ITFG1: variants seen among roughly 807,000 people sequenced by gnomAD.
The protein encoded by ITFG1 is T-cell immunomodulatory protein.
Under a neutral mutation model 81.8 loss-of-function variants are expected in ITFG1, and 34 were observed. That is an observed-to-expected ratio of 0.42 (90% CI 0.32 to 0.55). The LOEUF is 0.55. Ranked by LOEUF, ITFG1 falls within the 20% of genes least tolerant of loss-of-function variation. ITFG1 has a pLI of 0.17. For missense variants in ITFG1, 672 were observed against 755.4 expected (o/e 0.89, Z 1.29); for synonymous variants, 285 against 270.6 (o/e 1.05, Z -0.52).
intron 10 of ITFG1, among the ~76,000 whole-genome samples, chr16:47,272,193 GT>G (rs1966350067): frequency 6.6e-6 from 1 of 152,162 alleles, no homozygotes; most frequent in Non-Finnish European, 1.5e-5. Context: ...TATACAAGAT[GT>G]TCAGAACAGG....
chr16:47,265,807 C>T (rs181177760), intron 10 of ITFG1, among the ~76,000 whole-genome samples: 98 of 152,154 alleles, frequency 6.4e-4, no homozygotes, highest in African/African-American at 2.0e-3. Context: ...ACAAGCCATA[C>T]GTTGTGAGAT....
At chr16:47,339,717 G>A (rs1029878966) in intron 8 of ITFG1, among the ~76,000 whole-genome samples, 4 of 151,928 alleles carry the variant, frequency 2.6e-5, no homozygotes, top group African/African-American at 4.8e-5. Context: ...TAAAGCACAA[G>A]GGACCCAAGG....
intron 12 of ITFG1, among the ~76,000 whole-genome samples, chr16:47,257,672 T>C (rs536375754): frequency 3.3e-5 from 5 of 152,298 alleles, no homozygotes; most frequent in East Asian, 3.9e-4. Flanking sequence ...CAAATGTAAA[T>C]AGATGTAAAA....
intron 7 of ITFG1, among the ~76,000 whole-genome samples, chr16:47,370,586 C>T (rs183070621): frequency 1.7e-4 from 26 of 152,358 alleles, no homozygotes; most frequent in East Asian, 3.9e-4. Flanking sequence ...ACTATGCTCC[C>T]GTTGTCCAAA....
intron 10 of ITFG1, among the ~76,000 whole-genome samples, chr16:47,307,089 G>A (rs545225990): frequency 2.1e-3 from 38 of 17,704 alleles, no homozygotes; most frequent in African/African-American, 0.01. Flanking sequence ...GCAAAACTCC[G>A]TCTCAAAAAA....
At chr16:47,237,390 A>C (rs1965888786) in intron 13 of ITFG1, among the ~76,000 whole-genome samples, 1 of 152,204 alleles carries the variant, frequency 6.6e-6, no homozygotes, top group Non-Finnish European at 1.5e-5. Context: ...GATTACTACA[A>C]AGACCCCAAA....
intron 13 of ITFG1, among the ~76,000 whole-genome samples, chr16:47,224,450 C>T (rs1170644086): frequency 1.3e-5 from 2 of 152,132 alleles, no homozygotes; most frequent in African/African-American, 4.8e-5. Context: ...AAGGGCCTAA[C>T]CTCTCTTTTA....
intron 1 of ITFG1, among the ~76,000 whole-genome samples, 173 bp from the exon 2 acceptor site, chr16:47,459,348 T>C (rs1242175678): frequency 1.3e-5 from 2 of 152,216 alleles, no homozygotes; most frequent in South Asian, 2.1e-4. Flanking sequence ...CCTAACATTA[T>C]ATCACAAGTT....
At chr16:47,159,822 G>C (rs1229129524) in intron 16 of ITFG1, among the ~76,000 whole-genome samples, 1 of 152,040 alleles carries the variant, frequency 6.6e-6, no homozygotes, top group Admixed American at 6.6e-5. Context: ...AGTAGCTATT[G>C]ATTTATTCTG....
intron 5 of ITFG1, among the ~76,000 whole-genome samples, chr16:47,434,976 GA>G (rs1338510656): frequency 2.0e-5 from 3 of 152,172 alleles, no homozygotes; most frequent in African/African-American, 4.8e-5. Flanking sequence ...GCTGAATGAT[GA>G]GAACACATGG....
At chr16:47,157,602 C>T (rs1318117283) in intron 17 of ITFG1, 1 of 152,068 alleles carries the variant, frequency 6.6e-6, no homozygotes, top group African/African-American at 2.4e-5. Context: ...ACTTCTGGAC[C>T]AAGTATGTAT....
chr16:47,311,143 T>A, intron 10 of ITFG1, 97 bp downstream of exon 10: 1 of 771,930 alleles, frequency 1.3e-6, no homozygotes, highest in Non-Finnish European at 2.0e-6. Context: ...TAAGAGATTA[T>A]AACATATTTA....
At chr16:47,359,038 T>C (rs1470022204) in intron 8 of ITFG1, among the ~76,000 whole-genome samples, 1 of 151,930 alleles carries the variant, frequency 6.6e-6, no homozygotes, top group Non-Finnish European at 1.5e-5. Flanking sequence ...GAAGGTGGTA[T>C]GGGGGTGAGT....
intron 10 of ITFG1, among the ~76,000 whole-genome samples, chr16:47,279,266 T>A (rs1239735783): frequency 1.3e-5 from 2 of 152,234 alleles, no homozygotes; most frequent in Non-Finnish European, 2.9e-5. Context: ...CATCATTTTA[T>A]GTTTTACATT....
At chr16:47,385,564 A>G (rs922009965) in intron 6 of ITFG1, among the ~76,000 whole-genome samples, 6 of 152,256 alleles carry the variant, frequency 3.9e-5, no homozygotes, top group African/African-American at 7.2e-5. Flanking sequence ...CTTCCTTTCA[A>G]AAGCTACATG....
chr16:47,340,346 G>A lies in ITFG1; in HGVS notation c.802+25442C>T, dbSNP rs574399018. On this transcript the variant is annotated intron_variant, in intron 8 of 17. Coordinates refer to ENST00000320640, the MANE Select transcript of ITFG1 (RefSeq NM_030790.5). ...TAAAAGACAAATGTATAAATATTAT[G>A]TATTGAGCACAAATTATATAAAGAT... is the stretch of plus-strand genomic sequence containing the variant. Among the ~76,000 whole-genome samples the A allele has an allele frequency of 3.9e-5, 6 of 152,202 alleles. No homozygotes were observed. The South Asian group carries it at 1.2e-3, about 32-fold the overall frequency.
intron 5 of ITFG1, among the ~76,000 whole-genome samples, chr16:47,444,646 G>A (rs914443316): frequency 1.3e-5 from 2 of 152,012 alleles, no homozygotes; most frequent in Admixed American, 6.6e-5. Flanking sequence ...ACTTTAAATG[G>A]AATTTTCTTG....
chr16:47,395,411 T>A (rs1968581677), intron 6 of ITFG1, among the ~76,000 whole-genome samples: 1 of 152,222 alleles, frequency 6.6e-6, no homozygotes, highest in African/African-American at 2.4e-5. Flanking sequence ...TGCTTAGGGA[T>A]GCCGTAAATT....
chr16:47,313,071 GA>G (rs1238753694), intron 9 of ITFG1: 4 of 152,146 alleles, frequency 2.6e-5, no homozygotes, highest in African/African-American at 9.7e-5. Context: ...AAGCAACAAG[GA>G]AATCTGTAAC....
Sources: gnomAD v4.1 joint callset for allele counts (sites outside exome capture counted in the v4.1 genomes callset) on GRCh38, gnomAD v4.1.1 for gene constraint, MANE v1.5 for transcripts, NCBI Gene and HGNC (gene_info 2026-07-23, HGNC 2026-07-21) for gene names.